RANBP17: variants seen among roughly 807,000 people sequenced by gnomAD.
RANBP17 encodes ran-binding protein 17.
In RANBP17, 158 loss-of-function variants were observed where a neutral mutation model predicts 141.2. That is an observed-to-expected ratio of 1.12 (90% CI 0.98 to 1.28). RANBP17 has a LOEUF of 1.28. Ranked by LOEUF, RANBP17 falls within the 50% of genes most tolerant of loss-of-function variation. The pLI is 0.00. For missense variants in RANBP17, 1,438 were observed against 1,290.7 expected, an observed-to-expected ratio of 1.11 and a Z score of -1.75; for synonymous variants, 430 against 450.0, an observed-to-expected ratio of 0.96 and a Z score of 0.56.
At chr5:170,963,907 A>T (rs941145105) in intron 13 of RANBP17, among the ~76,000 whole-genome samples, 4 of 152,172 alleles carry the variant, frequency 2.6e-5, no homozygotes, top group Non-Finnish European at 5.9e-5. Flanking sequence ...AATTTGTAAA[A>T]CTCAGTAATT....
In RANBP17 at chr5:170,968,316, T is replaced by A. The variant is rs202021517; in HGVS notation, c.1649T>A (p.Leu550Gln). ...CCNEKIELAI[L>Q]WFLDQFRKTY... ...AATGAGAAAATAGAGCTTGCAATTC[T>A]GTGGTTCTTGGATCAGTTTCGTAAA... The change falls in exon 14 of 28, where the codon CTG (leucine) becomes CAG (glutamine). Residue 550 changes from leucine (L) to glutamine (Q), a missense_variant. Physicochemically the swap from Leu to Gln is moderately radical, Grantham distance 113 (BLOSUM62 -2). Coordinates refer to ENST00000523189, the MANE Select transcript of RANBP17 (RefSeq NM_022897.5). 1.2e-6 allele frequency: 2 copies of A among 1,609,700 alleles called. No individual in the cohort carries two copies. Among genetic ancestry groups the A allele is most frequent in the African/African-American group, 2.7e-5 (2 of 74,754 alleles).
At chr5:171,027,969 A>G (rs1781324267) in intron 14 of RANBP17, among the ~76,000 whole-genome samples, 1 of 152,034 alleles carries the variant, frequency 6.6e-6, no homozygotes, top group South Asian at 2.1e-4. Context: ...TCATCTCACC[A>G]TATTATCTTA....
intron 18 of RANBP17, among the ~76,000 whole-genome samples, chr5:171,198,218 A>G (rs959444960): frequency 1.3e-5 from 2 of 152,222 alleles, no homozygotes; most frequent in Non-Finnish European, 2.9e-5. Context: ...ATCTAAGAGG[A>G]GTCACTTGGT....
chr5:171,061,663 T>C (rs1475030398), intron 14 of RANBP17, among the ~76,000 whole-genome samples: 2 of 152,192 alleles, frequency 1.3e-5, no homozygotes, highest in Admixed American at 6.5e-5. Flanking sequence ...GAGAGTTCTG[T>C]AGGTGTCTAT....
intron 14 of RANBP17, among the ~76,000 whole-genome samples, chr5:171,022,818 C>T (rs960888053): frequency 3.9e-5 from 6 of 152,326 alleles, no homozygotes; most frequent in African/African-American, 1.4e-4. Flanking sequence ...GTTGCCCCTC[C>T]CCCTGGGAGC....
At position 171,213,238 on chromosome 5, in the gene RANBP17, GATA is replaced by G. The variant is rs557889479; in HGVS notation, c.2232-385_2232-383del. 4.0e-3 allele frequency among the ~76,000 whole-genome samples: 607 copies of G among 152,114 alleles called. 4 individuals are homozygous for G. The highest frequency in any genetic ancestry group is 0.014 in the African/African-American group (584 of 41,506). ...TAAGTAGTATAGTACCCAAGAAACT[GATA>G]ATAATAACTCAAATATATTTTTATC... is the stretch of plus-strand genomic sequence containing the variant. On this transcript the variant is annotated intron_variant, in intron 20 of 27. Coordinates refer to ENST00000523189, the MANE Select transcript of RANBP17 (RefSeq NM_022897.5).
rs1469025075 is a variant in RANBP17 at position 170,955,672 on chromosome 5, A to ATGCTCAGTGTG, written c.1574+1971_1574+1972insGCTCAGTGTGT. On this transcript the variant is annotated intron_variant, in intron 13 of 27. Transcript: ENST00000523189. The stretch of plus-strand genomic sequence containing the variant: ...TGTATATATATATATATATATATAT[A>ATGCTCAGTGTG]TATATATATACACTGAATGAACTCT... Among the ~76,000 whole-genome samples, 4 of 72,164 alleles carry ATGCTCAGTGTG rather than the reference A, an allele frequency of 5.5e-5. 1 individual carries two copies. Among genetic ancestry groups the ATGCTCAGTGTG allele is most frequent in the East Asian group, 4.8e-4 (1 of 2,088 alleles). 47.3% of individuals were successfully genotyped at this position (72,164 alleles called of 152,430 possible).
chr5:170,916,915 C>T (rs1294668150), intron 9 of RANBP17, among the ~76,000 whole-genome samples: 4 of 151,920 alleles, frequency 2.6e-5, no homozygotes, highest in African/African-American at 7.3e-5. Context: ...GGGGTTTCAC[C>T]ATGTTGGGCA....
At position 170,878,565 on chromosome 5, in the gene RANBP17, T is replaced by C. The variant is rs187551052; in HGVS notation, c.165+322T>C. Among the ~76,000 whole-genome samples, 397 of 152,252 alleles carry C rather than the reference T, an allele frequency of 2.6e-3. 1 individual carries two copies. Among genetic ancestry groups the C allele is most frequent in the Non-Finnish European group, 4.0e-3 (270 of 67,990 alleles). ...GACTAACAACTTAAAAAAATCTAGA[T>C]AGGGGAGGCAGATTGTAATTACCTC... On this transcript the variant is annotated intron_variant, in intron 2 of 27. Coordinates refer to ENST00000523189, the MANE Select transcript of RANBP17 (RefSeq NM_022897.5).
intron 14 of RANBP17, among the ~76,000 whole-genome samples, chr5:171,089,658 G>C (rs1398377894): frequency 2.0e-5 from 3 of 152,146 alleles, no homozygotes; most frequent in African/African-American, 7.2e-5. Flanking sequence ...ATATAATCTC[G>C]TGGTGCGCCG....
chr5:171,001,356 G>A (rs192000115), intron 14 of RANBP17, among the ~76,000 whole-genome samples: 2 of 152,268 alleles, frequency 1.3e-5, no homozygotes, highest in Admixed American at 1.3e-4. Context: ...GAGAAAAATA[G>A]GTGTTAAAGG....
chr5:170,917,523 C>A (rs1427590913), intron 9 of RANBP17, among the ~76,000 whole-genome samples: 1 of 151,994 alleles, frequency 6.6e-6, no homozygotes, highest in Non-Finnish European at 1.5e-5. Context: ...TTACCTAATT[C>A]TCTTGGTTAT....
At chr5:171,070,291 A>C (rs1223702256) in intron 14 of RANBP17, among the ~76,000 whole-genome samples, 1 of 152,136 alleles carries the variant, frequency 6.6e-6, no homozygotes, top group East Asian at 1.9e-4. Context: ...AAGAACAAAA[A>C]TCTGATTGCC....
At chr5:171,119,869 G>T (rs567721667) in intron 14 of RANBP17, among the ~76,000 whole-genome samples, 3 of 151,734 alleles carry the variant, frequency 2.0e-5, no homozygotes, top group Non-Finnish European at 4.4e-5. Context: ...GAGAAACCCC[G>T]TCTCTACTAA....
chr5:170,996,792 T>A (rs1778845166), intron 14 of RANBP17, among the ~76,000 whole-genome samples: 2 of 152,190 alleles, frequency 1.3e-5, no homozygotes, highest in South Asian at 4.1e-4. Context: ...TTCTCTGTGT[T>A]CCTACTCATT....
intron 22 of RANBP17, among the ~76,000 whole-genome samples, chr5:171,223,259 T>C (rs1444929788): frequency 6.6e-6 from 1 of 152,196 alleles, no homozygotes; most frequent in African/African-American, 2.4e-5. Flanking sequence ...GACAGTAAAC[T>C]TGTACTCTCT....
At chr5:170,887,362 C>T (rs1271806986) in intron 3 of RANBP17, among the ~76,000 whole-genome samples, 1 of 152,182 alleles carries the variant, frequency 6.6e-6, no homozygotes, top group Non-Finnish European at 1.5e-5. Flanking sequence ...AAAGTCATCA[C>T]TGAACCAAGG....
At chr5:171,046,007 AT>A (rs1782557759) in intron 14 of RANBP17, among the ~76,000 whole-genome samples, 1 of 152,046 alleles carries the variant, frequency 6.6e-6, no homozygotes, top group Non-Finnish European at 1.5e-5. Flanking sequence ...ACTCAGCACA[AT>A]TCCTTTGAGA....
intron 14 of RANBP17, among the ~76,000 whole-genome samples, chr5:170,996,422 T>C (rs1250374477): frequency 6.6e-6 from 1 of 152,120 alleles, no homozygotes; most frequent in Non-Finnish European, 1.5e-5. Context: ...ATGAGATTGG[T>C]TGTCTTGATC....
Sources: gnomAD v4.1 joint callset for allele counts (sites outside exome capture counted in the v4.1 genomes callset) on GRCh38, gnomAD v4.1.1 for gene constraint, MANE v1.5 for transcripts, NCBI Gene and HGNC (gene_info 2026-07-23, HGNC 2026-07-21) for gene names.